The following NFIB variants were observed in gnomAD, a reference collection of about 807,000 sequenced individuals.
The protein encoded by NFIB is nuclear factor 1 B-type.
In NFIB, 11 loss-of-function variants were observed where a neutral mutation model predicts 61.5. That is an observed-to-expected ratio of 0.18 (90% CI 0.11 to 0.30). The LOEUF (loss-of-function observed/expected upper bound fraction) is 0.30. Among genes scored for constraint, NFIB ranks in the 10% least tolerant of loss-of-function variants. The pLI is 1.00. For missense variants in NFIB, 471 were observed against 608.9 expected (o/e 0.77, Z 2.38); for synonymous variants, 260 against 216.5 (o/e 1.20, Z -1.76).
chr9:14,178,571 A>G (rs1346883107), intron 3 of NFIB, among the ~76,000 whole-genome samples: 1 of 152,146 alleles, frequency 6.6e-6, no homozygotes, highest in African/African-American at 2.4e-5. Context: ...CAACAATATG[A>G]TTTTGTACAA....
intron 4 of NFIB, among the ~76,000 whole-genome samples, chr9:14,155,008 G>C (rs2043242193): frequency 6.6e-6 from 1 of 152,058 alleles, no homozygotes; most frequent in African/African-American, 2.4e-5. Flanking sequence ...TACATCATCT[G>C]AATAACATCA....
chr9:14,476,060 C>T, the NFIB span, among the ~76,000 whole-genome samples: 1 of 152,078 alleles, frequency 6.6e-6, no homozygotes, highest in East Asian at 1.9e-4. Flanking sequence ...TAAGTCAATG[C>T]CACATGTCAA....
chr9:14,144,051 G>A (rs998413158), intron 6 of NFIB, among the ~76,000 whole-genome samples: 2 of 128,208 alleles, frequency 1.6e-5, no homozygotes, highest in African/African-American at 5.8e-5. Flanking sequence ...GCACATTTGA[G>A]AATGGAATAT....
At chr9:14,402,873 AT>A (rs1037658356), upstream of NFIB, among the ~76,000 whole-genome samples, 17 of 152,298 alleles carry the variant, frequency 1.1e-4, no homozygotes, top group African/African-American at 3.1e-4. Flanking sequence ...CTTTTTAATA[AT>A]TTTTTAAAGC....
intron 1 of NFIB, among the ~76,000 whole-genome samples, chr9:14,382,845 C>T (rs1351077342): frequency 6.6e-6 from 1 of 151,906 alleles, no homozygotes; most frequent in African/African-American, 2.4e-5. Flanking sequence ...AATGAAAGTC[C>T]AGGAAGAAAA....
At chr9:14,096,007 T>C (rs894514721) in intron 10 of NFIB, among the ~76,000 whole-genome samples, 1 of 152,194 alleles carries the variant, frequency 6.6e-6, no homozygotes, top group African/African-American at 2.4e-5. Context: ...ATGTTTATTA[T>C]GATATTTATT....
the NFIB span, among the ~76,000 whole-genome samples, chr9:14,470,851 C>G: frequency 1.3e-5 from 2 of 152,144 alleles, no homozygotes; most frequent in African/African-American, 2.4e-5. Context: ...ACCCATTTCA[C>G]CCTCATAGGC....
chr9:14,422,959 A>G, the NFIB span, among the ~76,000 whole-genome samples: 1 of 152,204 alleles, frequency 6.6e-6, no homozygotes, highest in East Asian at 1.9e-4. Flanking sequence ...TTTCAATAAC[A>G]ACAGCCTTGA....
At chr9:14,197,765 C>T (rs778790283) in intron 2 of NFIB, among the ~76,000 whole-genome samples, 4 of 152,044 alleles carry the variant, frequency 2.6e-5, no homozygotes, top group Non-Finnish European at 4.4e-5. Context: ...GGCTGCAGCG[C>T]TTTAGCAAAT....
intron 1 of NFIB, among the ~76,000 whole-genome samples, chr9:14,329,683 T>A (rs1318657628): frequency 1.3e-5 from 2 of 151,760 alleles, no homozygotes; most frequent in Non-Finnish European, 1.5e-5. Context: ...CCTGGCCAAT[T>A]TTTGTATTTT....
At chr9:14,296,843 C>T (rs772179297) in intron 2 of NFIB, among the ~76,000 whole-genome samples, 29 of 152,196 alleles carry the variant, frequency 1.9e-4, no homozygotes, top group East Asian at 1.9e-4. Context: ...ATATGCTGAA[C>T]GTCTTAAGCA....
the NFIB span, among the ~76,000 whole-genome samples, chr9:14,404,684 T>C: frequency 1.3e-5 from 2 of 152,186 alleles, no homozygotes; most frequent in Admixed American, 6.5e-5. Flanking sequence ...GCCTATGACC[T>C]AAACTCTACA....
chr9:14,358,106 C>T (rs146872908), intron 1 of NFIB, among the ~76,000 whole-genome samples: 38 of 151,912 alleles, frequency 2.5e-4, no homozygotes, highest in African/African-American at 8.9e-4. Context: ...TGTTAAAAAC[C>T]ATTGCATTTT....
chr9:14,416,625 A>G, the NFIB span, among the ~76,000 whole-genome samples: 1 of 152,178 alleles, frequency 6.6e-6, no homozygotes, highest in African/African-American at 2.4e-5. Flanking sequence ...CATTATTACT[A>G]AACGGTTAAC....
the NFIB span, among the ~76,000 whole-genome samples, chr9:14,518,423 G>C: frequency 6.6e-6 from 1 of 151,452 alleles, no homozygotes; most frequent in Non-Finnish European, 1.5e-5. Context: ...TTGCTGGTAA[G>C]AGTCTTCCTG....
the NFIB span, among the ~76,000 whole-genome samples, chr9:14,434,952 C>T: frequency 6.6e-6 from 1 of 152,172 alleles, no homozygotes; most frequent in African/African-American, 2.4e-5. Context: ...TGATTGGGTG[C>T]CCACAGCTCT....
the NFIB span, among the ~76,000 whole-genome samples, chr9:14,486,196 A>T: frequency 6.6e-6 from 1 of 152,198 alleles, no homozygotes; most frequent in Non-Finnish European, 1.5e-5. Flanking sequence ...AGAATATTGA[A>T]AGAAGGCTTG....
intron 2 of NFIB, among the ~76,000 whole-genome samples, chr9:14,202,157 CACACACAA>C (rs1346159101): frequency 3.3e-5 from 5 of 150,954 alleles, no homozygotes; most frequent in Non-Finnish European, 7.4e-5. Flanking sequence ...CACACACACA[CACACACAA>C]AGATTTAGCA....
At chr9:14,106,443 T>A (rs2036570429) in intron 10 of NFIB, among the ~76,000 whole-genome samples, 1 of 152,074 alleles carries the variant, frequency 6.6e-6, no homozygotes, top group South Asian at 2.1e-4. Flanking sequence ...AGGGGGAAGG[T>A]TGGAACAGTT....
Sources: allele counts gnomAD v4.1 joint callset (sites outside exome capture counted in the v4.1 genomes callset), GRCh38; gene constraint gnomAD v4.1.1; transcripts MANE v1.5; gene names NCBI Gene and HGNC (gene_info 2026-07-23, HGNC 2026-07-21).